CRISPLD2: variants seen among roughly 807,000 people sequenced by gnomAD.
The protein encoded by CRISPLD2 is cysteine rich secretory protein LCCL domain containing 2, also known as cysteine-rich secretory protein LCCL domain-containing 2.
In CRISPLD2, 47 loss-of-function variants were observed where a neutral mutation model predicts 71.1. The ratio of observed to expected loss-of-function variants is 0.66; its 90% CI spans 0.52 to 0.84. The LOEUF (loss-of-function observed/expected upper bound fraction) is 0.84, where lower values mean the gene tolerates loss of function less well. Ranked by LOEUF, CRISPLD2 falls within the 40% of genes least tolerant of loss-of-function variation. The probability of loss-of-function intolerance (pLI) is 0.00; values close to 1 mark genes in which losing one functional copy is unlikely to be tolerated. For missense variants in CRISPLD2, 830 were observed against 651.1 expected, an observed-to-expected ratio of 1.27 and a Z score of -2.99; for synonymous variants, 317 against 250.1, an observed-to-expected ratio of 1.27 and a Z score of -2.52.
chr16:84,837,549 T>C (rs906428674), intron 1 of CRISPLD2, among the ~76,000 whole-genome samples: 20 of 151,974 alleles, frequency 1.3e-4, no homozygotes, highest in Non-Finnish European at 2.6e-4. Flanking sequence ...CCCAAGTAGC[T>C]GGGACTACAG....
rs117327645 is a variant in CRISPLD2 at position 84,869,929 on chromosome 16, T to A, written c.914+1018T>A. Among the ~76,000 whole-genome samples the A allele has an allele frequency of 1.3e-3, 193 of 152,294 alleles. 2 individuals are homozygous for A. The East Asian group carries it at 0.032, about 25-fold the overall frequency. ...AGACAACATCGAGGCAGTTCCAGAG[T>A]TGGGGTGGGTGGGGCACTCCCCATG... is the stretch of plus-strand genomic sequence containing the variant. On this transcript the variant is annotated intron_variant, in intron 8 of 14. Coordinates refer to ENST00000262424, the MANE Select transcript of CRISPLD2 (RefSeq NM_031476.4).
At chr16:84,890,289 G>A (rs931580977) in intron 14 of CRISPLD2, among the ~76,000 whole-genome samples, 9 of 152,062 alleles carry the variant, frequency 5.9e-5, no homozygotes, top group African/African-American at 2.2e-4. Context: ...AACCCGGGAG[G>A]CGGAGCTTGC....
chr16:84,865,328 G>A (rs1476011071), intron 6 of CRISPLD2, among the ~76,000 whole-genome samples: 5 of 152,092 alleles, frequency 3.3e-5, no homozygotes, highest in Non-Finnish European at 7.4e-5. Flanking sequence ...GCTAATTTTT[G>A]TATTTTTAGT....
At chr16:84,873,816 C>G in intron 10 of CRISPLD2, 104 bp from the exon 11 acceptor site, 1 of 1,067,504 alleles carries the variant, frequency 9.4e-7, no homozygotes, top group Non-Finnish European at 1.3e-6. Flanking sequence ...AGTGTGAAGT[C>G]GAGACTGCAA....
intron 6 of CRISPLD2, among the ~76,000 whole-genome samples, chr16:84,859,179 T>A (rs1478653458): frequency 6.6e-6 from 1 of 152,220 alleles, no homozygotes; most frequent in African/African-American, 2.4e-5. Flanking sequence ...AAGTGGGGGT[T>A]CTGCCAGCTG....
chr16:84,851,250 G>A (rs531221449), intron 5 of CRISPLD2, among the ~76,000 whole-genome samples: 1 of 152,304 alleles, frequency 6.6e-6, no homozygotes, highest in Non-Finnish European at 1.5e-5. Context: ...CTCCAAAGAG[G>A]GTCCACATGC....
At position 84,839,331 on chromosome 16, in the gene CRISPLD2, GC is replaced by G. The variant is rs138066871; in HGVS notation, c.240+599del. The G allele has an allele frequency of 2.9e-3, 738 of 250,744 alleles. 5 individuals are homozygous for G. Among genetic ancestry groups the G allele is most frequent in the African/African-American group, 0.016 (693 of 43,966 alleles). 15.5% of individuals were successfully genotyped at this position (250,744 alleles called of 1,614,324 possible). On this transcript the variant is annotated intron_variant, in intron 2 of 14. Coordinates refer to ENST00000262424, the MANE Select transcript of CRISPLD2 (RefSeq NM_031476.4). Reference sequence around the variant, plus strand: ...CCACCTGGAGGCAGAGTGGGGAGGGGCCCAGGGCTGGGCTTTGCTGATGCTG... The same window carrying G: ...CCACCTGGAGGCAGAGTGGGGAGGGGCCAGGGCTGGGCTTTGCTGATGCTG...
At chr16:84,837,415 CT>C (rs770665907) in intron 1 of CRISPLD2, among the ~76,000 whole-genome samples, 4,456 of 112,958 alleles carry the variant, frequency 0.039, 223 homozygotes, top group African/African-American at 0.12. Flanking sequence ...CCATAGCTTG[CT>C]TTTTTTTTTT....
At chr16:84,887,541 G>T (rs1394732019) in intron 13 of CRISPLD2, among the ~76,000 whole-genome samples, 1 of 152,244 alleles carries the variant, frequency 6.6e-6, no homozygotes, top group African/African-American at 2.4e-5. Flanking sequence ...CTGTTGTCCA[G>T]ACACTTATGG....
At chr16:84,898,416 G>C (rs551073896) in intron 14 of CRISPLD2, among the ~76,000 whole-genome samples, 1 of 152,134 alleles carries the variant, frequency 6.6e-6, no homozygotes, top group Admixed American at 6.5e-5. Flanking sequence ...CACCTCACTG[G>C]CCTCTCTGCT....
chr16:84,894,281 G>A (rs1280228662), intron 14 of CRISPLD2, among the ~76,000 whole-genome samples: 1 of 152,186 alleles, frequency 6.6e-6, no homozygotes, highest in Non-Finnish European at 1.5e-5. Context: ...GGAAATGCCG[G>A]ACATCTGGGT....
At chr16:84,867,932 G>A (rs923821727) in intron 7 of CRISPLD2, among the ~76,000 whole-genome samples, 15 of 152,320 alleles carry the variant, frequency 9.8e-5, no homozygotes, top group Admixed American at 7.2e-4. Context: ...CCACTGCTGC[G>A]GGAACTCATT....
At chr16:84,876,692 C>T (rs1489616517) in intron 11 of CRISPLD2, among the ~76,000 whole-genome samples, 6 of 150,864 alleles carry the variant, frequency 4.0e-5, no homozygotes, top group African/African-American at 1.5e-4. Context: ...ACTCGGGAGG[C>T]TAAGGCAGGA....
chr16:84,901,046 C>CA (rs367812875), intron 14 of CRISPLD2, among the ~76,000 whole-genome samples: 81 of 128,302 alleles, frequency 6.3e-4, no homozygotes, highest in Admixed American at 2.0e-3. Flanking sequence ...CACACACACG[C>CA]AAAAAAAAAA....
chr16:84,856,671 G>A (rs1340772139), intron 6 of CRISPLD2, among the ~76,000 whole-genome samples: 1 of 152,176 alleles, frequency 6.6e-6, no homozygotes, highest in Non-Finnish European at 1.5e-5. Context: ...GGCATACATG[G>A]CCTTCTGGAG....
At chr16:84,832,446 T>C (rs939604857) in intron 1 of CRISPLD2, among the ~76,000 whole-genome samples, 1 of 152,254 alleles carries the variant, frequency 6.6e-6, no homozygotes, top group East Asian at 1.9e-4. Flanking sequence ...AGTCCTTATA[T>C]GGCTTTTCTG....
chr16:84,879,726 C>T (rs1383736267), intron 12 of CRISPLD2, among the ~76,000 whole-genome samples: 1 of 152,004 alleles, frequency 6.6e-6, no homozygotes, highest in Non-Finnish European at 1.5e-5. Context: ...CCCTTCCTCC[C>T]AGCCCCTAAG....
intron 1 of CRISPLD2, among the ~76,000 whole-genome samples, chr16:84,823,079 T>C (rs1916268035): frequency 6.6e-6 from 1 of 152,244 alleles, no homozygotes; most frequent in African/African-American, 2.4e-5. Flanking sequence ...TTGCTTATTC[T>C]GGACATTTCA....
At chr16:84,866,843 C>A in intron 6 of CRISPLD2, 54 bp from the exon 7 acceptor site, 2 of 1,550,770 alleles carry the variant, frequency 1.3e-6, no homozygotes, top group Non-Finnish European at 1.8e-6. Flanking sequence ...CCCCAAAGTG[C>A]GTTTTTGTTG....
Sources: gnomAD v4.1 joint callset for allele counts (sites outside exome capture counted in the v4.1 genomes callset) on GRCh38, gnomAD v4.1.1 for gene constraint, MANE v1.5 for transcripts, NCBI Gene and HGNC (gene_info 2026-07-23, HGNC 2026-07-21) for gene names.